DLEC1: variants seen among roughly 807,000 people sequenced by gnomAD.
DLEC1 encodes DLEC1 cilia and flagella associated protein.
A neutral mutation model predicts 198.1 loss-of-function variants in DLEC1; 146 were observed. The ratio of observed to expected loss-of-function variants is 0.74; its 90% CI spans 0.64 to 0.85. The LOEUF is 0.85. Ranked by LOEUF, DLEC1 falls within the 40% of genes least tolerant of loss-of-function variation. The pLI is 0.00. For missense variants in DLEC1, 2,233 were observed against 2,220.0 expected, an observed-to-expected ratio of 1.01 and a Z score of -0.12; for synonymous variants, 897 against 866.8, an observed-to-expected ratio of 1.03 and a Z score of -0.61.
At chr3:38,064,338 A>G (rs969286453) in intron 6 of DLEC1, among the ~76,000 whole-genome samples, 4 of 152,212 alleles carry the variant, frequency 2.6e-5, no homozygotes, top group Admixed American at 2.6e-4. Flanking sequence ...GTAAGGTTAT[A>G]GATTAACACC....
At chr3:38,053,293 C>G (rs1701225750) in intron 2 of DLEC1, among the ~76,000 whole-genome samples, 1 of 151,758 alleles carries the variant, frequency 6.6e-6, no homozygotes, top group Non-Finnish European at 1.5e-5. Flanking sequence ...GCCGCCCAGT[C>G]TGGGAAGTGA....
At chr3:38,044,692 A>G (rs1401233567) in intron 1 of DLEC1, among the ~76,000 whole-genome samples, 1 of 152,228 alleles carries the variant, frequency 6.6e-6, no homozygotes, top group African/African-American at 2.4e-5. Context: ...ACAGGTGCAC[A>G]CCACCATGCC....
chr3:38,078,456 G>A (rs1238862895), intron 6 of DLEC1, among the ~76,000 whole-genome samples: 2 of 152,156 alleles, frequency 1.3e-5, no homozygotes, highest in Non-Finnish European at 2.9e-5. Context: ...TAAGAAATCC[G>A]ACTGCACTAA....
intron 6 of DLEC1, among the ~76,000 whole-genome samples, chr3:38,065,682 A>T (rs919662300): frequency 2.0e-5 from 3 of 152,358 alleles, no homozygotes; most frequent in African/African-American, 7.2e-5. Context: ...AAAAGTAACC[A>T]TAGTACCACT....
intron 10 of DLEC1, among the ~76,000 whole-genome samples, chr3:38,090,631 C>T (rs1698694794): frequency 6.6e-6 from 1 of 152,150 alleles, no homozygotes; most frequent in African/African-American, 2.4e-5. Context: ...GGATACAGTC[C>T]TTGAAGTAGA....
intron 6 of DLEC1, among the ~76,000 whole-genome samples, chr3:38,069,665 A>G (rs974271152): frequency 1.3e-5 from 2 of 152,156 alleles, no homozygotes; most frequent in Non-Finnish European, 1.5e-5. Flanking sequence ...AATGATCACT[A>G]TCCCAAACCT....
intron 6 of DLEC1, among the ~76,000 whole-genome samples, chr3:38,083,267 GAA>G (rs1222567419): frequency 6.6e-6 from 1 of 151,254 alleles, no homozygotes; most frequent in African/African-American, 2.4e-5. Context: ...GGCTGAGTCT[GAA>G]AAGAGAGTCA....
chr3:38,082,277 T>C (rs1393885406), intron 6 of DLEC1, among the ~76,000 whole-genome samples: 1 of 125,412 alleles, frequency 8.0e-6, no homozygotes, highest in Non-Finnish European at 1.7e-5. Context: ...CTAGATGGGA[T>C]GGCGGCCGGG....
intron 20 of DLEC1, among the ~76,000 whole-genome samples, chr3:38,107,961 CAAG>C (rs775585204): frequency 2.0e-5 from 3 of 152,188 alleles, no homozygotes; most frequent in Admixed American, 6.5e-5. Context: ...GTTCCCTGAC[CAAG>C]AAGGAGTTTC....
At chr3:38,039,681 C>T (rs1360152295) in intron 1 of DLEC1, 45 bp downstream of exon 1, 28 of 1,545,552 alleles carry the variant, frequency 1.8e-5, no homozygotes, top group Non-Finnish European at 2.4e-5. Flanking sequence ...GCCGGGGTCT[C>T]AGCGCTCGGC....
At chr3:38,043,338 GT>G (rs1420285715) in intron 1 of DLEC1, among the ~76,000 whole-genome samples, 1 of 152,208 alleles carries the variant, frequency 6.6e-6, no homozygotes, top group Non-Finnish European at 1.5e-5. Context: ...TAAGCCCTCA[GT>G]AAGTGATAGT....
At chr3:38,068,506 C>T (rs1250170395) in intron 6 of DLEC1, among the ~76,000 whole-genome samples, 1 of 152,264 alleles carries the variant, frequency 6.6e-6, no homozygotes, top group African/African-American at 2.4e-5. Context: ...GCTAGGATTA[C>T]AGGCGTGAGC....
chr3:38,043,832 T>C (rs1179620805), intron 1 of DLEC1, among the ~76,000 whole-genome samples: 2 of 152,240 alleles, frequency 1.3e-5, no homozygotes, highest in Non-Finnish European at 2.9e-5. Flanking sequence ...TAGCTGGGAT[T>C]ACAAGTGCCT....
intron 10 of DLEC1, among the ~76,000 whole-genome samples, chr3:38,091,358 G>C (rs183610583): frequency 1.2e-3 from 184 of 152,270 alleles, no homozygotes; most frequent in African/African-American, 3.9e-3. Flanking sequence ...TCAGCTACTT[G>C]GGAGCTGAAG....
intron 6 of DLEC1, among the ~76,000 whole-genome samples, chr3:38,082,195 A>C: frequency 7.5e-6 from 1 of 133,440 alleles, no homozygotes; most frequent in South Asian, 2.6e-4. Flanking sequence ...ATCTCAGACG[A>C]TGGGCGGCCG....
chr3:38,106,663 G>A (rs995135447), intron 19 of DLEC1, among the ~76,000 whole-genome samples: 1 of 147,834 alleles, frequency 6.8e-6, no homozygotes, highest in African/African-American at 2.5e-5. Flanking sequence ...GGCTGAGGCA[G>A]TAGAATTTCT....
Position 38,108,420 on chromosome 3 carries a change from G to A in DLEC1, c.3034G>A (p.Ala1012Thr). Residue 1012 changes from alanine (A) to threonine (T), a missense_variant, in exon 21 of 37, where the codon GCA becomes ACA. Coordinates refer to ENST00000308059, the MANE Select transcript of DLEC1 (RefSeq NM_007335.4). ...TGTCTGCCAGCTCCTCGGACACCAA[G>A]CAGAATTCTGCATGGTGACAGTCTC... ...FHWGKLLGHQ[A>T]EFCMVTVSPK... 1 of 1,614,072 alleles carries A rather than the reference G, an allele frequency of 6.2e-7. No individual in the cohort carries two copies. Among genetic ancestry groups the A allele is most frequent in the Non-Finnish European group, 8.5e-7 (1 of 1,179,990 alleles).
chr3:38,058,684 T>C (rs1052261461), intron 2 of DLEC1, among the ~76,000 whole-genome samples: 2 of 152,174 alleles, frequency 1.3e-5, no homozygotes, highest in South Asian at 2.1e-4. Context: ...ATGCACAGAA[T>C]GTACACCACC....
intron 26 of DLEC1, 71 bp downstream of exon 26, chr3:38,114,531 G>A (rs557567957): frequency 1.2e-5 from 17 of 1,473,776 alleles, no homozygotes; most frequent in Middle Eastern, 1.7e-4. Context: ...GGGCTGGGCT[G>A]CCCACGTTGG....
Sources: gnomAD v4.1 joint callset for allele counts (sites outside exome capture counted in the v4.1 genomes callset) on GRCh38, gnomAD v4.1.1 for gene constraint, MANE v1.5 for transcripts, NCBI Gene and HGNC (gene_info 2026-07-23, HGNC 2026-07-21) for gene names.